RNF212: variants seen among roughly 807,000 people sequenced by gnomAD.
The protein encoded by RNF212 is probable E3 SUMO-protein ligase RNF212.
A neutral mutation model predicts 34.7 loss-of-function variants in RNF212; 33 were observed. That is an observed-to-expected ratio of 0.95 (90% CI 0.72 to 1.27). The LOEUF is 1.27. RNF212 is among the 50% of genes most tolerant of loss of function. The probability of loss-of-function intolerance (pLI) is 0.00; values close to 1 mark genes in which losing one functional copy is unlikely to be tolerated. For missense variants in RNF212, 377 were observed against 362.2 expected, an observed-to-expected ratio of 1.04 and a Z score of -0.33; for synonymous variants, 140 against 136.1, an observed-to-expected ratio of 1.03 and a Z score of -0.20.
intron 2 of RNF212, among the ~76,000 whole-genome samples, chr4:1,105,972 G>C (rs776198472): frequency 3.3e-5 from 5 of 152,254 alleles, no homozygotes; most frequent in Non-Finnish European, 5.9e-5. Flanking sequence ...GAGGCGGCCA[G>C]AGGCCAGGCC....
chr4:1,104,880 A>G (rs1724571862), intron 2 of RNF212, among the ~76,000 whole-genome samples: 1 of 152,012 alleles, frequency 6.6e-6, no homozygotes, highest in African/African-American at 2.4e-5. Context: ...TCCCCACCAC[A>G]CCAAGGGAGG....
chr4:1,089,463 G>A (rs942665530), intron 4 of RNF212, among the ~76,000 whole-genome samples: 2 of 152,214 alleles, frequency 1.3e-5, no homozygotes, highest in Admixed American at 6.5e-5. Context: ...CTCATAGGTG[G>A]AAGGAACTTG....
chr4:1,059,246 G>C (rs140263650), intron 3 of RNF212, among the ~76,000 whole-genome samples: 7 of 152,370 alleles, frequency 4.6e-5, no homozygotes, highest in African/African-American at 1.7e-4. Context: ...GGGCTGTGCA[G>C]ACCTTGTGAG....
At chr4:1,113,613 G>C, upstream of RNF212, 1 of 532,266 alleles carries the variant, frequency 1.9e-6, no homozygotes, top group Non-Finnish European at 3.2e-6. Context: ...TGGAGCTCGC[G>C]CCCTCCCGCC....
At chr4:1,093,650 C>G (rs1008392614) in intron 3 of RNF212, 1 of 1,535,922 alleles carries the variant, frequency 6.5e-7, no homozygotes, top group Non-Finnish European at 8.7e-7. Context: ...AGCACCTGGC[C>G]TCTGCAGCAC....
chr4:1,060,117 A>T (rs1225967265), intron 3 of RNF212, among the ~76,000 whole-genome samples: 104 of 151,200 alleles, frequency 6.9e-4, no homozygotes, highest in Middle Eastern at 3.4e-3. Flanking sequence ...AAAAAAAGAA[A>T]AAAGAAATTG....
At chr4:1,060,979 A>C (rs545873575) in intron 3 of RNF212, among the ~76,000 whole-genome samples, 2 of 152,362 alleles carry the variant, frequency 1.3e-5, no homozygotes, top group South Asian at 4.1e-4. Flanking sequence ...TACGAAGCCA[A>C]GTGCGAAACT....
At chr4:1,069,194 G>C (rs957288440), downstream of RNF212, among the ~76,000 whole-genome samples, 4 of 134,220 alleles carry the variant, frequency 3.0e-5, no homozygotes, top group African/African-American at 1.2e-4. Flanking sequence ...CTGGGCAACA[G>C]AGCAAGATTG....
chr4:1,073,766 C>T, intron 8 of RNF212, 104 bp from the exon 9 acceptor site: 2 of 766,824 alleles, frequency 2.6e-6, no homozygotes, highest in Non-Finnish European at 4.6e-6. Flanking sequence ...AACCCCATCT[C>T]CCTCATCTTT....
At chr4:1,109,329 T>C (rs1481589178) in intron 1 of RNF212, among the ~76,000 whole-genome samples, 4 of 152,160 alleles carry the variant, frequency 2.6e-5, no homozygotes, top group Non-Finnish European at 5.9e-5. Flanking sequence ...TTTATAGTGA[T>C]ATCTTAATCT....
chr4:1,102,500 T>A (rs979677585), intron 2 of RNF212, among the ~76,000 whole-genome samples: 3 of 151,926 alleles, frequency 2.0e-5, no homozygotes, highest in Non-Finnish European at 2.9e-5. Context: ...GAGTCCACAG[T>A]ACTAATAAAA....
chr4:1,072,618 A>G lies in RNF212; in HGVS notation c.*256T>C, dbSNP rs1356196933. On this transcript the variant is annotated 3_prime_UTR_variant, in exon 10 of 10. Transcript: ENST00000433731. ...TAGAAAAAAATGATTTAAGTATGTG[A>G]AAAAAAAACTCCCTAAGCATGAGAA... 5 of 989,650 alleles carry G rather than the reference A, an allele frequency of 5.1e-6. No individual in the cohort carries two copies. In the East Asian group the frequency reaches 2.2e-4, roughly 44 times the overall value. 61.3% of individuals were successfully genotyped at this position (989,650 alleles called of 1,614,324 possible).
chr4:1,073,994 C>G (rs546370131), intron 8 of RNF212, among the ~76,000 whole-genome samples: 1 of 152,262 alleles, frequency 6.6e-6, no homozygotes, highest in East Asian at 1.9e-4. Context: ...ATGTGAAATT[C>G]TGAGTAAATC....
chr4:1,089,539 G>A (rs1003138046), intron 4 of RNF212, among the ~76,000 whole-genome samples: 1 of 152,174 alleles, frequency 6.6e-6, no homozygotes, highest in African/African-American at 2.4e-5. Context: ...TAAAACTTTG[G>A]GGGACTGCTG....
chr4:1,106,019 T>C (rs1212945693), intron 2 of RNF212, among the ~76,000 whole-genome samples: 1 of 152,186 alleles, frequency 6.6e-6, no homozygotes, highest in East Asian at 1.9e-4. Context: ...TGGCGCTTAC[T>C]CCTGGAAAGT....
intron 2 of RNF212, among the ~76,000 whole-genome samples, chr4:1,103,466 C>A (rs1156752086): frequency 6.6e-6 from 1 of 152,212 alleles, no homozygotes; most frequent in Non-Finnish European, 1.5e-5. Flanking sequence ...AGGTCCAGCT[C>A]TCATATGAAC....
chr4:1,109,060 T>C (rs1264506655), intron 1 of RNF212, among the ~76,000 whole-genome samples: 1 of 136,424 alleles, frequency 7.3e-6, no homozygotes, highest in Non-Finnish European at 1.5e-5. Context: ...CAGGCGGGAG[T>C]GTAATGACGC....
rs530214773 is a variant in RNF212 at position 1,078,851 on chromosome 4, C to A, written c.510+792G>T. 3.2e-4 allele frequency among the ~76,000 whole-genome samples: 49 copies of A among 151,766 alleles called. No homozygotes were observed. In the Middle Eastern group the frequency reaches 0.021, roughly 64 times the overall value. On this transcript the variant is annotated intron_variant, in intron 8 of 9. Transcript: ENST00000433731. ...GACCAACACGGGACCAACACAGGAC[C>A]AACATAGGACCAACACAGGGTCAAC...
At chr4:1,090,532 A>G (rs1722021854) in intron 4 of RNF212, among the ~76,000 whole-genome samples, 1 of 152,206 alleles carries the variant, frequency 6.6e-6, no homozygotes, top group South Asian at 2.1e-4. Context: ...TGAGGGGATA[A>G]GTGTGGCCAG....
Sources: gnomAD v4.1 joint callset for allele counts (sites outside exome capture counted in the v4.1 genomes callset) on GRCh38, gnomAD v4.1.1 for gene constraint, MANE v1.5 for transcripts, NCBI Gene and HGNC (gene_info 2026-07-23, HGNC 2026-07-21) for gene names.